The following SLC25A13 variants were observed in gnomAD, a reference collection of about 807,000 sequenced individuals.
SLC25A13 encodes electrogenic aspartate/glutamate antiporter SLC25A13, mitochondrial.
Under a neutral mutation model 85.5 loss-of-function variants are expected in SLC25A13, and 70 were observed. The observed-to-expected ratio is 0.82, with a 90% CI of 0.68 to 1.00. The LOEUF (loss-of-function observed/expected upper bound fraction) is 1.00, where lower values mean the gene tolerates loss of function less well. Among genes scored for constraint, SLC25A13 ranks in the 50% least tolerant of loss-of-function variants. The pLI is 0.00. For synonymous variants in SLC25A13, 259 were observed against 288.7 expected, an observed-to-expected ratio of 0.90 and a Z score of 1.04; for missense variants, 765 against 819.8, an observed-to-expected ratio of 0.93 and a Z score of 0.82.
intron 2 of SLC25A13, among the ~76,000 whole-genome samples, chr7:96,286,690 G>A (rs1798901005): frequency 6.6e-6 from 1 of 152,156 alleles, no homozygotes. Flanking sequence ...ATGGACAGGA[G>A]CCATGATGTA....
At chr7:96,183,526 G>A (rs985852036) in intron 11 of SLC25A13, among the ~76,000 whole-genome samples, 7 of 152,170 alleles carry the variant, frequency 4.6e-5, no homozygotes, top group African/African-American at 1.4e-4. Context: ...TTGTGATACT[G>A]TATTTTAACT....
intron 5 of SLC25A13, among the ~76,000 whole-genome samples, chr7:96,200,264 G>A (rs188057906): frequency 3.9e-5 from 6 of 151,972 alleles, no homozygotes; most frequent in Admixed American, 2.0e-4. Flanking sequence ...ATTGTTTATC[G>A]AAACAGGAAA....
At chr7:96,202,366 C>A (rs985323800) in intron 5 of SLC25A13, among the ~76,000 whole-genome samples, 1 of 152,190 alleles carries the variant, frequency 6.6e-6, no homozygotes, top group African/African-American at 2.4e-5. Flanking sequence ...ATAAAATACT[C>A]AAGCCCTTGT....
chr7:96,302,710 A>C (rs1465689837), intron 1 of SLC25A13, among the ~76,000 whole-genome samples: 1 of 152,174 alleles, frequency 6.6e-6, no homozygotes, highest in Non-Finnish European at 1.5e-5. Flanking sequence ...GTCAGTAAAA[A>C]TCTGACATTT....
rs1285065303 is a variant in SLC25A13, at chr7:96,208,549, A to G, written c.468+289T>C. Among the ~76,000 whole-genome samples, 20 of 143,898 alleles carry G rather than the reference A, an allele frequency of 1.4e-4. No homozygotes were observed. In the Admixed American group the frequency reaches 1.4e-3, roughly 10 times the overall value. 94.4% of individuals were successfully genotyped at this position (143,898 alleles called of 152,430 possible). On this transcript the variant is annotated intron_variant, in intron 5 of 17. Transcript: ENST00000265631. ...GAGACGGAGTCTCGCTCTTTCACCC[A>G]GGCCGGACTGCAGTGGTGCGATCTC... is the stretch of plus-strand genomic sequence containing the variant.
chr7:96,199,561 T>A (rs1031345265), intron 5 of SLC25A13, among the ~76,000 whole-genome samples: 8 of 152,124 alleles, frequency 5.3e-5, no homozygotes, highest in African/African-American at 1.9e-4. Flanking sequence ...TCCTATCACC[T>A]AAGGCCAGAA....
chr7:96,134,479 T>TA (rs1792178909), intron 14 of SLC25A13, among the ~76,000 whole-genome samples: 7 of 152,182 alleles, frequency 4.6e-5, no homozygotes, highest in Admixed American at 4.6e-4. Context: ...TAACCTGTCT[T>TA]ATGCTATGTG....
intron 5 of SLC25A13, among the ~76,000 whole-genome samples, chr7:96,205,461 T>C (rs528667986): frequency 6.6e-6 from 1 of 152,278 alleles, no homozygotes; most frequent in Non-Finnish European, 1.5e-5. Context: ...TATATGGAGA[T>C]GAAGTTAACT....
intron 3 of SLC25A13, among the ~76,000 whole-genome samples, chr7:96,256,764 A>G (rs1471903103): frequency 6.6e-6 from 1 of 152,196 alleles, no homozygotes; most frequent in African/African-American, 2.4e-5. Flanking sequence ...AAAAGAATAT[A>G]CCTTCTTCTC....
In SLC25A13 at chr7:96,126,582, G is replaced by A. The variant is rs145828795; in HGVS notation, c.1592-4585C>T. ...CCCTAAAACCTCCACCTCCACCCCA[G>A]GCATTCTATTCTTCACTCAAAGGTT... is the stretch of plus-strand genomic sequence containing the variant. On this transcript the variant is annotated intron_variant, in intron 15 of 17. Transcript: ENST00000265631. Among the ~76,000 whole-genome samples the A allele has an allele frequency of 1.2e-4, 18 of 152,220 alleles. No homozygotes were observed. The East Asian group carries it at 3.1e-3, about 26-fold the overall frequency.
chr7:96,179,332 CATTTTTG>C (rs1794336334), intron 11 of SLC25A13, among the ~76,000 whole-genome samples: 1 of 152,162 alleles, frequency 6.6e-6, no homozygotes, highest in African/African-American at 2.4e-5. Context: ...TATAAATTAT[CATTTTTG>C]AGGTGTGGAA....
chr7:96,198,000 G>T (rs1198695851), intron 5 of SLC25A13, among the ~76,000 whole-genome samples: 1 of 152,188 alleles, frequency 6.6e-6, no homozygotes, highest in African/African-American at 2.4e-5. Context: ...ACCTTGAAAA[G>T]TAGCAGGTTC....
intron 1 of SLC25A13, chr7:96,306,954 G>A (rs1324662372): frequency 1.1e-6 from 1 of 884,812 alleles, no homozygotes. Context: ...ATTTCCTCCT[G>A]TAGTGACCAC....
intron 11 of SLC25A13, among the ~76,000 whole-genome samples, chr7:96,173,791 T>C (rs1794105145): frequency 2.0e-5 from 3 of 152,102 alleles, no homozygotes; most frequent in South Asian, 4.1e-4. Context: ...GACTGGACAA[T>C]GTAAAACACC....
chr7:96,182,813 T>C (rs1794471020), intron 11 of SLC25A13, among the ~76,000 whole-genome samples: 2 of 152,184 alleles, frequency 1.3e-5, no homozygotes, highest in African/African-American at 2.4e-5. Context: ...GAAGCATTCT[T>C]ACAATTCTAA....
intron 2 of SLC25A13, among the ~76,000 whole-genome samples, chr7:96,281,942 A>G (rs1336123320): frequency 6.6e-6 from 1 of 152,142 alleles, no homozygotes; most frequent in Non-Finnish European, 1.5e-5. Flanking sequence ...AAAAATATGT[A>G]TGAGGGTAGT....
At chr7:96,176,478 G>A (rs147022556) in intron 11 of SLC25A13, among the ~76,000 whole-genome samples, 7 of 152,284 alleles carry the variant, frequency 4.6e-5, no homozygotes, top group Admixed American at 6.5e-5. Flanking sequence ...TTGGCAACTC[G>A]ACTCTACCAG....
rs1773319684 is a variant in SLC25A13 at position 96,192,947 on chromosome 7, A to G, written c.615+90T>C. ...ATTAAAATGTTAGTGTTTGCAACAG[A>G]AAAAAAACACTACATAACTTATAAG... is the stretch of plus-strand genomic sequence containing the variant. On this transcript the variant is annotated intron_variant, in intron 6 of 17. Coordinates refer to ENST00000265631, the MANE Select transcript of SLC25A13 (RefSeq NM_014251.3). 3.5e-6 allele frequency: 5 copies of G among 1,410,082 alleles called. No individual in the cohort carries two copies. In the Admixed American group the frequency reaches 5.1e-5, roughly 14 times the overall value. The allele number at this position is 1,410,082 out of a possible 1,614,324, so 87.3% of individuals were successfully genotyped here. A position where few individuals can be genotyped will look rare whatever the true frequency, so the allele number is the denominator to read the frequency against.
chr7:96,266,744 C>A (rs911042150), intron 3 of SLC25A13, among the ~76,000 whole-genome samples: 8 of 152,136 alleles, frequency 5.3e-5, no homozygotes, highest in Non-Finnish European at 1.0e-4. Context: ...CACAACCCCT[C>A]CCCTGCCCCA....
Sources: allele counts gnomAD v4.1 joint callset (sites outside exome capture counted in the v4.1 genomes callset), GRCh38; gene constraint gnomAD v4.1.1; transcripts MANE v1.5; gene names NCBI Gene and HGNC (gene_info 2026-07-23, HGNC 2026-07-21).